The following KCNMA1 variants were observed in gnomAD, a reference collection of about 807,000 sequenced individuals.
KCNMA1 encodes the protein potassium calcium-activated channel subfamily M alpha 1.
In KCNMA1, 29 loss-of-function variants were observed where a neutral mutation model predicts 140.0. The observed-to-expected ratio is 0.21, with a 90% CI of 0.15 to 0.28. KCNMA1 has a LOEUF of 0.28. Among genes scored for constraint, KCNMA1 ranks in the 10% least tolerant of loss-of-function variants. The probability of loss-of-function intolerance (pLI) is 1.00; values close to 1 mark genes in which losing one functional copy is unlikely to be tolerated. For synonymous variants in KCNMA1, 612 were observed against 611.9 expected, an observed-to-expected ratio of 1.00 and a Z score of 0.00; for missense variants, 880 against 1,602.2, an observed-to-expected ratio of 0.55 and a Z score of 7.70.
intron 1 of KCNMA1, among the ~76,000 whole-genome samples, chr10:77,555,588 A>G (rs906715563): frequency 6.6e-6 from 1 of 152,232 alleles, no homozygotes; most frequent in African/African-American, 2.4e-5. Flanking sequence ...AGAAAAACAA[A>G]AAGAGCTTCT....
chr10:76,990,865 G>A (rs2082550334), intron 19 of KCNMA1, among the ~76,000 whole-genome samples: 1 of 152,206 alleles, frequency 6.6e-6, no homozygotes, highest in African/African-American at 2.4e-5. Context: ...GGTGCAGCCT[G>A]AGAGAGCTTT....
intron 14 of KCNMA1, chr10:77,064,112 A>C: frequency 1.0e-6 from 1 of 985,358 alleles, no homozygotes; most frequent in South Asian, 4.7e-5. Flanking sequence ...CCATGCCAAG[A>C]CCCATATAAA....
chr10:77,394,376 C>T (rs2095958273), intron 2 of KCNMA1, among the ~76,000 whole-genome samples: 2 of 152,200 alleles, frequency 1.3e-5, no homozygotes, highest in Admixed American at 6.5e-5. Context: ...GCACATGGCT[C>T]GAGGCCTGCA....
At chr10:77,268,421 T>G (rs1205788884) in intron 2 of KCNMA1, among the ~76,000 whole-genome samples, 1 of 152,166 alleles carries the variant, frequency 6.6e-6, no homozygotes, top group Non-Finnish European at 1.5e-5. Flanking sequence ...GCTAGTGGTC[T>G]GCTGATGAGT....
At chr10:77,296,635 A>T (rs528147406) in intron 2 of KCNMA1, among the ~76,000 whole-genome samples, 1 of 152,118 alleles carries the variant, frequency 6.6e-6, no homozygotes, top group African/African-American at 2.4e-5. Flanking sequence ...ATCAGTTCCA[A>T]TGAAAGCTGA....
At chr10:77,636,758 C>A (rs990694928) in intron 1 of KCNMA1, 19 of 1,467,962 alleles carry the variant, frequency 1.3e-5, no homozygotes, top group Non-Finnish European at 1.7e-5. Flanking sequence ...CTCTCCCTTG[C>A]CCAAAGGATT....
chr10:77,123,983 C>T (rs1242464848), intron 5 of KCNMA1, among the ~76,000 whole-genome samples: 4 of 152,110 alleles, frequency 2.6e-5, no homozygotes, highest in East Asian at 3.9e-4. Context: ...CCAAGCAGGA[C>T]AGCATGCAAC....
chr10:77,010,722 C>A (rs2090500638), intron 18 of KCNMA1, among the ~76,000 whole-genome samples: 2 of 151,972 alleles, frequency 1.3e-5, no homozygotes, highest in Non-Finnish European at 2.9e-5. Context: ...ACTGGTTCTA[C>A]ATTTTCTGTA....
chr10:77,173,345 C>T (rs769628460), intron 5 of KCNMA1, among the ~76,000 whole-genome samples: 12 of 152,096 alleles, frequency 7.9e-5, no homozygotes, highest in Non-Finnish European at 1.3e-4. Context: ...CAAAGCTGAG[C>T]TCTACCATTT....
At chr10:77,462,486 C>T (rs2097897123) in intron 1 of KCNMA1, among the ~76,000 whole-genome samples, 1 of 152,204 alleles carries the variant, frequency 6.6e-6, no homozygotes, top group Admixed American at 6.5e-5. Flanking sequence ...TACACGTAAA[C>T]ATACACACAT....
At chr10:77,124,812 C>G (rs2097698261) in intron 5 of KCNMA1, among the ~76,000 whole-genome samples, 1 of 152,158 alleles carries the variant, frequency 6.6e-6, no homozygotes. Flanking sequence ...ACAATAGCTT[C>G]CGTATTAGTC....
Position 77,383,274 on chromosome 10 carries a change from T to G in KCNMA1, c.540+20588A>C, listed in dbSNP as rs1450634254. 2.0e-5 allele frequency among the ~76,000 whole-genome samples: 3 copies of G among 151,758 alleles called. No individual in the cohort carries two copies. In the East Asian group the frequency reaches 5.8e-4, roughly 30 times the overall value. Reference sequence around the variant, plus strand: ...GCAAGCCCTGGTGCTCTCATTCTTATGCCAACAATTGGCTTAGGACCGACC... The same window carrying G: ...GCAAGCCCTGGTGCTCTCATTCTTAGGCCAACAATTGGCTTAGGACCGACC... On this transcript the variant is annotated intron_variant, in intron 2 of 27. Coordinates refer to ENST00000286628, the MANE Select transcript of KCNMA1 (RefSeq NM_001161352.2).
At chr10:77,204,482 G>A (rs895275383) in intron 3 of KCNMA1, among the ~76,000 whole-genome samples, 10 of 152,192 alleles carry the variant, frequency 6.6e-5, no homozygotes, top group Non-Finnish European at 2.9e-5. Flanking sequence ...TGAAACTAAT[G>A]AGTATGCACT....
chr10:76,960,775 T>C (rs2153057698), intron 20 of KCNMA1, among the ~76,000 whole-genome samples: 1 of 152,144 alleles, frequency 6.6e-6, no homozygotes, highest in East Asian at 1.9e-4. Context: ...CCAGCTGCAT[T>C]AGTTCCAACA....
chr10:76,973,648 A>C (rs1341830141), intron 19 of KCNMA1, among the ~76,000 whole-genome samples: 2 of 152,218 alleles, frequency 1.3e-5, no homozygotes, highest in African/African-American at 4.8e-5. Context: ...CATCTGTAAC[A>C]ACATTTTACT....
At position 76,885,644 on chromosome 10, in the gene KCNMA1, T is replaced by C. The variant is rs74579556; in HGVS notation, c.*1622A>G. On this transcript the variant is annotated 3_prime_UTR_variant, in exon 28 of 28. Coordinates refer to ENST00000286628, the MANE Select transcript of KCNMA1 (RefSeq NM_001161352.2). Reference sequence around the variant, plus strand: ...CCCCTATTCTATTCGATGGAATTCTTTGAAGTAAAACTTTTCAAATATGTA... The same window carrying C: ...CCCCTATTCTATTCGATGGAATTCTCTGAAGTAAAACTTTTCAAATATGTA... The C allele has an allele frequency of 6.1e-6, 6 of 985,334 alleles. No individual in the cohort carries two copies. The highest frequency in any genetic ancestry group is 7.2e-6 in the Non-Finnish European group (6 of 829,860). The allele number at this position is 985,334 out of a possible 1,614,324, so 61.0% of individuals were successfully genotyped here.
At chr10:77,215,995 T>C (rs1010646929) in intron 3 of KCNMA1, among the ~76,000 whole-genome samples, 4 of 151,846 alleles carry the variant, frequency 2.6e-5, no homozygotes, top group Non-Finnish European at 4.4e-5. Flanking sequence ...TCACCAGAAA[T>C]TGACCATGCT....
At chr10:77,364,123 C>A (rs188459899) in intron 2 of KCNMA1, among the ~76,000 whole-genome samples, 1 of 151,962 alleles carries the variant, frequency 6.6e-6, no homozygotes, top group Non-Finnish European at 1.5e-5. Flanking sequence ...ATTAAAATGC[C>A]AATTTTTATA....
chr10:77,001,580 G>A lies in KCNMA1; in HGVS notation c.2093C>T (p.Pro698Leu), dbSNP rs1165776468. The stretch of plus-strand genomic sequence containing the variant: ...CATTCTCTTGTAGATGGACATCTTG[G>A]CTATAACCGTGTGGTTGGATGGGAG... ...KRIKKCGCKRPKMSIYKRMRR... is the reference protein window; with the variant it reads ...KRIKKCGCKRLKMSIYKRMRR... Residue 698 changes from proline (P) to leucine (L), a missense_variant and splice_region_variant, in exon 19 of 28, where the codon CCC (proline) becomes CTC (leucine). Pro to Leu is a moderately conservative substitution (Grantham distance 98, BLOSUM62 -3). Around this residue, in one of 13 missense-constraint regions of KCNMA1, gnomAD observed 196 missense variants for 233.0 expected, o/e 0.84. Coordinates refer to ENST00000286628, the MANE Select transcript of KCNMA1 (RefSeq NM_001161352.2). The A allele has an allele frequency of 6.5e-7, 1 of 1,550,166 alleles. No homozygotes were observed. Among genetic ancestry groups the A allele is most frequent in the East Asian group, 2.4e-5 (1 of 40,880 alleles).
Sources: allele counts gnomAD v4.1 joint callset (sites outside exome capture counted in the v4.1 genomes callset), GRCh38; gene constraint gnomAD v4.1.1; regional missense constraint gnomAD v4.1.1; transcripts MANE v1.5; gene names NCBI Gene and HGNC (gene_info 2026-07-23, HGNC 2026-07-21).